EXOC6B: variants seen among roughly 807,000 people sequenced by gnomAD.
EXOC6B encodes exocyst complex component 6B, also known as SEC15 homolog B.
Under a neutral mutation model 113.5 loss-of-function variants are expected in EXOC6B, and 54 were observed. The ratio of observed to expected loss-of-function variants is 0.48; its 90% CI spans 0.38 to 0.60. The LOEUF (loss-of-function observed/expected upper bound fraction) is 0.60, where lower values mean the gene tolerates loss of function less well. Ranked by LOEUF, EXOC6B falls within the 20% of genes least tolerant of loss-of-function variation. EXOC6B has a pLI of 0.00. For missense variants in EXOC6B, 797 were observed against 977.5 expected, an observed-to-expected ratio of 0.82 and a Z score of 2.46; for synonymous variants, 357 against 339.0, an observed-to-expected ratio of 1.05 and a Z score of -0.58.
intron 6 of EXOC6B, among the ~76,000 whole-genome samples, chr2:72,600,945 AC>A (rs1317506668): frequency 1.3e-5 from 2 of 151,946 alleles, no homozygotes; most frequent in African/African-American, 2.4e-5. Flanking sequence ...AAAATGAACA[AC>A]CCTATTTAAA....
intron 6 of EXOC6B, among the ~76,000 whole-genome samples, chr2:72,688,977 A>G (rs1201529996): frequency 6.6e-6 from 1 of 152,236 alleles, no homozygotes; most frequent in Non-Finnish European, 1.5e-5. Context: ...TGAGAAAACG[A>G]GCCTAAAGCA....
chr2:72,793,836 C>A (rs1253606566), intron 1 of EXOC6B, among the ~76,000 whole-genome samples: 1 of 151,926 alleles, frequency 6.6e-6, no homozygotes, highest in Non-Finnish European at 1.5e-5. Context: ...AAAGAGGATG[C>A]CAAAATAATT....
intron 6 of EXOC6B, among the ~76,000 whole-genome samples, chr2:72,595,847 A>G (rs2103966103): frequency 6.6e-6 from 1 of 152,344 alleles, no homozygotes; most frequent in South Asian, 2.1e-4. Flanking sequence ...AAAATGCTGA[A>G]GGCTAAAAAA....
chr2:72,292,253 G>C (rs1028309306), intron 20 of EXOC6B, among the ~76,000 whole-genome samples: 1 of 147,688 alleles, frequency 6.8e-6, no homozygotes, highest in Non-Finnish European at 1.5e-5. Flanking sequence ...GATCTACCAG[G>C]TTTGATAACT....
At chr2:72,381,389 C>A (rs1691668738) in intron 18 of EXOC6B, among the ~76,000 whole-genome samples, 1 of 151,772 alleles carries the variant, frequency 6.6e-6, no homozygotes, top group South Asian at 2.1e-4. Flanking sequence ...TTCTTTCTTT[C>A]TTTTTGTTTT....
Position 72,449,436 on chromosome 2 carries a change from G to A in EXOC6B, c.1980+15724C>T, listed in dbSNP as rs908072945. Among the ~76,000 whole-genome samples the A allele has an allele frequency of 4.0e-5, 6 of 150,258 alleles. No homozygotes were observed. In the East Asian group the frequency reaches 1.2e-3, roughly 30 times the overall value. ...TACACCCGCCTCTGCCTCCCAAAGT[G>A]CTGGAATTACAAGCGTGAGCCACCG... On this transcript the variant is annotated intron_variant, in intron 18 of 21. Coordinates refer to ENST00000272427, the MANE Select transcript of EXOC6B (RefSeq NM_015189.3).
Position 72,479,924 on chromosome 2 carries a change from C to T in EXOC6B, c.1800+692G>A, listed in dbSNP as rs151246084. Among the ~76,000 whole-genome samples the T allele has an allele frequency of 1.8e-3, 267 of 152,162 alleles. 1 individual carries two copies. Among genetic ancestry groups the T allele is most frequent in the Middle Eastern group, 3.4e-3 (1 of 294 alleles). ...AAGATTAAAAAATTGATCACAGGGC[C>T]GGGTGTGGTGGTTCATGCCCGCAAT... is the stretch of plus-strand genomic sequence containing the variant. On this transcript the variant is annotated intron_variant, in intron 17 of 21. Transcript: ENST00000272427.
chr2:72,283,239 T>C (rs6753073), intron 20 of EXOC6B, among the ~76,000 whole-genome samples: 56,816 of 152,046 alleles, frequency 0.37, 14,039 homozygotes, highest in African/African-American at 0.7. Context: ...GAAATCAATA[T>C]AAAAAGACAG....
intron 1 of EXOC6B, among the ~76,000 whole-genome samples, chr2:72,753,054 G>A (rs1376368013): frequency 6.6e-6 from 1 of 151,810 alleles, no homozygotes; most frequent in African/African-American, 2.4e-5. Flanking sequence ...ATAATACCAG[G>A]ATATATCTCT....
At chr2:72,767,608 G>A (rs1313413885) in intron 1 of EXOC6B, among the ~76,000 whole-genome samples, 1 of 149,014 alleles carries the variant, frequency 6.7e-6, no homozygotes, top group Non-Finnish European at 1.5e-5. Context: ...TAAGGAGTTT[G>A]AGACCAACCT....
chr2:72,392,459 A>G (rs1277574352), intron 18 of EXOC6B, among the ~76,000 whole-genome samples: 1 of 152,198 alleles, frequency 6.6e-6, no homozygotes, highest in African/African-American at 2.4e-5. Context: ...CTATTCAAAT[A>G]ATTCATCTTT....
In EXOC6B at chr2:72,820,907, T is replaced by G. The variant is rs531662090; in HGVS notation, c.113+4891A>C. Among the ~76,000 whole-genome samples, 413 of 151,720 alleles carry G rather than the reference T, an allele frequency of 2.7e-3. 2 individuals carry two copies. Among genetic ancestry groups the G allele is most frequent in the African/African-American group, 7.1e-3 (295 of 41,406 alleles). ...CACTTAGAAAAAATATAGGAGCAAA[T>G]CTTCATGATCATGCATTACGCAAAA... On this transcript the variant is annotated intron_variant, in intron 1 of 21. Coordinates refer to ENST00000272427, the MANE Select transcript of EXOC6B (RefSeq NM_015189.3).
At chr2:72,258,186 T>C (rs1683469487) in intron 20 of EXOC6B, among the ~76,000 whole-genome samples, 1 of 152,132 alleles carries the variant, frequency 6.6e-6, no homozygotes, top group South Asian at 2.1e-4. Flanking sequence ...CAGTGTTGTC[T>C]TTACAAGTCA....
intron 20 of EXOC6B, among the ~76,000 whole-genome samples, chr2:72,264,564 T>C (rs1451971315): frequency 6.6e-6 from 1 of 152,078 alleles, no homozygotes. Context: ...AGCGAAATTC[T>C]GCCTCAAACA....
At chr2:72,428,299 C>T (rs1695324032) in intron 18 of EXOC6B, among the ~76,000 whole-genome samples, 2 of 152,352 alleles carry the variant, frequency 1.3e-5, no homozygotes, top group South Asian at 2.1e-4. Flanking sequence ...CTTGGGGGAA[C>T]CCAGACCTGG....
intron 6 of EXOC6B, among the ~76,000 whole-genome samples, chr2:72,597,674 C>G (rs1380593572): frequency 2.6e-5 from 4 of 151,810 alleles, no homozygotes; most frequent in Admixed American, 6.6e-5. Context: ...AAAGACTCAG[C>G]TATATGTTGC....
At chr2:72,607,141 A>G (rs1428136359) in intron 6 of EXOC6B, among the ~76,000 whole-genome samples, 2 of 152,190 alleles carry the variant, frequency 1.3e-5, no homozygotes, top group East Asian at 1.9e-4. Flanking sequence ...GAAAACAAAG[A>G]CAATTTTTTT....
chr2:72,606,538 A>G (rs369649593), intron 6 of EXOC6B, among the ~76,000 whole-genome samples: 18 of 152,246 alleles, frequency 1.2e-4, no homozygotes, highest in African/African-American at 3.6e-4. Flanking sequence ...AGACCAGCCT[A>G]AGCAAAACAG....
At chr2:72,334,858 C>A in intron 20 of EXOC6B, 89 bp downstream of exon 20, 1 of 1,253,108 alleles carries the variant, frequency 8.0e-7, no homozygotes, top group Non-Finnish European at 1.2e-6. Context: ...CAACGCCAAT[C>A]CCCCTCCCTT....
Sources: gnomAD v4.1 joint callset for allele counts (sites outside exome capture counted in the v4.1 genomes callset) on GRCh38, gnomAD v4.1.1 for gene constraint, MANE v1.5 for transcripts, NCBI Gene and HGNC (gene_info 2026-07-23, HGNC 2026-07-21) for gene names.